Variants in PTPRT observed in about 807,000 individuals in gnomAD.
The protein encoded by PTPRT is protein tyrosine phosphatase receptor type T, also known as receptor-type tyrosine-protein phosphatase T.
A neutral mutation model predicts 176.8 loss-of-function variants in PTPRT; 56 were observed. That is an observed-to-expected ratio of 0.32 (90% confidence interval 0.26 to 0.40). The LOEUF is 0.40. Ranked by LOEUF, PTPRT falls within the 10% of genes least tolerant of loss-of-function variation. The pLI, the probability that PTPRT is intolerant of heterozygous loss-of-function variation, is 1.00. For synonymous variants in PTPRT, 783 were observed against 739.0 expected (o/e 1.06, Z -0.96); for missense variants, 1,540 against 1,908.2 (o/e 0.81, Z 3.60).
chr20:42,476,885 T>C (rs1170238086), intron 7 of PTPRT, among the ~76,000 whole-genome samples: 3 of 152,182 alleles, frequency 2.0e-5, no homozygotes, highest in Non-Finnish European at 4.4e-5. Context: ...TGGGCTCCCA[T>C]GAATGGGTCA....
At chr20:42,270,360 C>G (rs1040239171) in intron 13 of PTPRT, 6 of 1,506,456 alleles carry the variant, frequency 4.0e-6, no homozygotes, top group Non-Finnish European at 5.4e-6. Context: ...GTGTGGGCAA[C>G]TCTCCCCTCC....
At chr20:42,260,037 C>G (rs547625697) in intron 13 of PTPRT, among the ~76,000 whole-genome samples, 1 of 152,190 alleles carries the variant, frequency 6.6e-6, no homozygotes, top group Non-Finnish European at 1.5e-5. Context: ...GGTAATTAGA[C>G]AACACTACTG....
At chr20:42,306,001 T>G (rs1324449129) in intron 12 of PTPRT, among the ~76,000 whole-genome samples, 1 of 152,206 alleles carries the variant, frequency 6.6e-6, no homozygotes, top group African/African-American at 2.4e-5. Context: ...GACTGGAGTC[T>G]GGAGCATTTA....
chr20:42,772,570 TAAC>T (rs1263022516), intron 4 of PTPRT, among the ~76,000 whole-genome samples: 2 of 152,320 alleles, frequency 1.3e-5, no homozygotes, highest in Non-Finnish European at 1.5e-5. Context: ...CTACAAATAA[TAAC>T]AACAGTAACA....
chr20:42,906,873 A>C (rs1359783402), intron 1 of PTPRT, among the ~76,000 whole-genome samples: 1 of 152,212 alleles, frequency 6.6e-6, no homozygotes, highest in Non-Finnish European at 1.5e-5. Flanking sequence ...CTGGAAAAAA[A>C]AAAATGTGAA....
intron 1 of PTPRT, among the ~76,000 whole-genome samples, chr20:42,914,187 T>C (rs1978577407): frequency 6.6e-6 from 1 of 152,224 alleles, no homozygotes; most frequent in Non-Finnish European, 1.5e-5. Context: ...GGATCAGCCC[T>C]AGGTGATCCT....
intron 9 of PTPRT, among the ~76,000 whole-genome samples, chr20:42,440,720 G>A (rs551546973): frequency 5.3e-5 from 8 of 152,062 alleles, no homozygotes; most frequent in East Asian, 3.9e-4. Context: ...CTCATGATCC[G>A]CCCGCCTTGG....
At chr20:42,990,588 C>T (rs925542076) in intron 1 of PTPRT, among the ~76,000 whole-genome samples, 12 of 152,086 alleles carry the variant, frequency 7.9e-5, no homozygotes, top group Non-Finnish European at 1.5e-4. Context: ...CTGACACTCT[C>T]ACCAAAAAAG....
downstream of PTPRT, among the ~76,000 whole-genome samples, chr20:42,070,610 T>C (rs1982282336): frequency 6.6e-6 from 1 of 152,030 alleles, no homozygotes; most frequent in African/African-American, 2.4e-5. Context: ...TCCATGGAAA[T>C]ATGACAACTG....
chr20:42,677,848 G>GAAAAAAA lies in PTPRT; in HGVS notation c.1153+11_1153+17dup. ...CACAGCCTCTCATAATGGAGCCTGG[G>GAAAAAAA]AAAAAAAAAAATCTTACCTGCACAC... On this transcript the variant is annotated intron_variant, in intron 7 of 30. Coordinates refer to ENST00000373187, the MANE Select transcript of PTPRT (RefSeq NM_007050.6). The GAAAAAAA allele has an allele frequency of 6.7e-7, 1 of 1,484,238 alleles. No individual in the cohort carries two copies. The highest frequency in any genetic ancestry group is 2.4e-5 in the East Asian group (1 of 42,418). 91.9% of individuals were successfully genotyped at this position (1,484,238 alleles called of 1,614,324 possible). A position where few individuals can be genotyped will look rare whatever the true frequency, so the allele number is the denominator to read the frequency against.
chr20:42,793,073 G>A lies in PTPRT; in HGVS notation c.215-1607C>T, dbSNP rs534534995. The stretch of plus-strand genomic sequence containing the variant: ...TCCCTAGGGCCACAGTTGTCTTACT[G>A]GGATGACCACTTAGGATAGTTGGGT... On this transcript the variant is annotated intron_variant, in intron 2 of 30. Coordinates refer to ENST00000373187, the MANE Select transcript of PTPRT (RefSeq NM_007050.6). 5.3e-3 allele frequency among the ~76,000 whole-genome samples: 800 copies of A among 152,110 alleles called. 1 individual carries two copies. The highest frequency in any genetic ancestry group is 7.4e-3 in the Non-Finnish European group (505 of 68,002).
At chr20:42,312,802 CTTT>C (rs11482597) in intron 12 of PTPRT, among the ~76,000 whole-genome samples, 34,548 of 112,292 alleles carry the variant, frequency 0.31, 5,021 homozygotes, top group Middle Eastern at 0.36. Context: ...GAGTGAGATC[CTTT>C]TTTTTTTTTT....
chr20:42,363,787 C>T (rs879857470), intron 9 of PTPRT, among the ~76,000 whole-genome samples: 3 of 152,072 alleles, frequency 2.0e-5, no homozygotes, highest in Non-Finnish European at 2.9e-5. Flanking sequence ...GGAGCAACTT[C>T]CCAGTGTCTT....
chr20:42,426,270 A>G (rs1480911650), intron 9 of PTPRT, among the ~76,000 whole-genome samples: 6 of 152,114 alleles, frequency 3.9e-5, no homozygotes, highest in African/African-American at 1.4e-4. Context: ...AAGCAGACAA[A>G]CAGAAGAGAA....
chr20:43,000,053 AGAAGGGAAGGAGGGAG>A (rs1405138610), intron 1 of PTPRT, among the ~76,000 whole-genome samples: 4 of 106,036 alleles, frequency 3.8e-5, no homozygotes, highest in African/African-American at 1.7e-4. Context: ...GAGGAAGGGA[AGAAGGGAAGGAGGGAG>A]GGAGGGAGGG....
At chr20:42,476,558 T>C (rs189455541) in intron 7 of PTPRT, among the ~76,000 whole-genome samples, 89 of 152,214 alleles carry the variant, frequency 5.8e-4, no homozygotes, top group African/African-American at 1.6e-3. Context: ...GTTACTGAAA[T>C]CTTGGGAGAT....
chr20:42,343,542 C>T (rs1253095134), intron 11 of PTPRT, among the ~76,000 whole-genome samples: 1 of 152,192 alleles, frequency 6.6e-6, no homozygotes, highest in Non-Finnish European at 1.5e-5. Context: ...CTCTTAACCC[C>T]GACTGTGCTG....
intron 1 of PTPRT, among the ~76,000 whole-genome samples, chr20:42,945,586 G>T (rs1480285729): frequency 6.6e-6 from 1 of 152,154 alleles, no homozygotes; most frequent in Non-Finnish European, 1.5e-5. Flanking sequence ...GGCCTCCAAG[G>T]TGCCTGTTTC....
chr20:42,168,280 T>G (rs907921305), intron 16 of PTPRT, among the ~76,000 whole-genome samples: 2 of 152,156 alleles, frequency 1.3e-5, no homozygotes, highest in African/African-American at 4.8e-5. Flanking sequence ...CCCATGTTGT[T>G]CAAGGGTAAC....
Sources: gnomAD v4.1 joint callset for allele counts (sites outside exome capture counted in the v4.1 genomes callset) on GRCh38, gnomAD v4.1.1 for gene constraint, MANE v1.5 for transcripts, NCBI Gene and HGNC (gene_info 2026-07-23, HGNC 2026-07-21) for gene names.